EPHA5: variants seen among roughly 807,000 people sequenced by gnomAD.
The protein encoded by EPHA5 is ephrin type-A receptor 5.
Under a neutral mutation model 105.0 loss-of-function variants are expected in EPHA5, and 60 were observed. That is an observed-to-expected ratio of 0.57 (90% confidence interval 0.46 to 0.71). The LOEUF (loss-of-function observed/expected upper bound fraction) is 0.71. Among genes scored for constraint, EPHA5 ranks in the 30% least tolerant of loss-of-function variants. EPHA5 has a pLI of 0.00. For missense variants in EPHA5, 1,218 were observed against 1,274.7 expected (o/e 0.96, Z 0.68); for synonymous variants, 513 against 449.1 (o/e 1.14, Z -1.80).
chr4:65,468,675 T>C (rs200951616), intron 5 of EPHA5, among the ~76,000 whole-genome samples: 22,356 of 48,480 alleles, frequency 0.46, 2,372 homozygotes, highest in East Asian at 0.56. Context: ...ATATAACATA[T>C]ATACATATAT....
chr4:65,421,959 A>C (rs1470915925), intron 5 of EPHA5, among the ~76,000 whole-genome samples: 1 of 152,126 alleles, frequency 6.6e-6, no homozygotes, highest in African/African-American at 2.4e-5. Flanking sequence ...TTTAAAACTT[A>C]ATCAGTTCTT....
chr4:65,589,826 G>T (rs567933231), intron 3 of EPHA5, among the ~76,000 whole-genome samples: 12 of 152,306 alleles, frequency 7.9e-5, no homozygotes, highest in African/African-American at 2.6e-4. Flanking sequence ...TAAAAGTAGT[G>T]TGGGAAAATG....
intron 3 of EPHA5, among the ~76,000 whole-genome samples, chr4:65,540,732 G>A (rs1736738716): frequency 6.6e-6 from 1 of 150,754 alleles, no homozygotes; most frequent in Non-Finnish European, 1.5e-5. Context: ...AAAATCAAGT[G>A]TATTTAACTG....
In EPHA5 at chr4:65,320,955, A is replaced by G. The variant is rs1719592884; in HGVS notation, c.*3159T>C. On this transcript the variant is annotated 3_prime_UTR_variant, in exon 17 of 17. Coordinates refer to ENST00000613740, the MANE Select transcript of EPHA5 (RefSeq NM_001281766.3). ...AGAAATAAAAGATCATGCACATTAC[A>G]ATTTTAAAACATAGGAAAATCAAAA... The G allele has an allele frequency of 4.3e-6, 1 of 230,336 alleles. No individual in the cohort carries two copies. The highest frequency in any genetic ancestry group is 5.7e-5 in the Admixed American group (1 of 17,610). The allele number at this position is 230,336 out of a possible 1,614,324, so 14.3% of individuals were successfully genotyped here.
At chr4:65,597,538 G>A (rs1293959628) in intron 3 of EPHA5, among the ~76,000 whole-genome samples, 1 of 151,698 alleles carries the variant, frequency 6.6e-6, no homozygotes. Flanking sequence ...AATAACAAGT[G>A]GGGAAACATA....
At chr4:65,542,013 G>A (rs1736887204) in intron 3 of EPHA5, among the ~76,000 whole-genome samples, 1 of 151,912 alleles carries the variant, frequency 6.6e-6, no homozygotes, top group Admixed American at 6.6e-5. Flanking sequence ...ATTAAAGTAA[G>A]GCAGAAATCA....
At chr4:65,635,729 G>A (rs1192456378) in intron 2 of EPHA5, among the ~76,000 whole-genome samples, 1 of 152,142 alleles carries the variant, frequency 6.6e-6, no homozygotes, top group Non-Finnish European at 1.5e-5. Context: ...TCCAGGGAAA[G>A]ATTATGTTCA....
intron 11 of EPHA5, among the ~76,000 whole-genome samples, chr4:65,356,654 CACATGATG>C (rs779869535): frequency 6.6e-6 from 1 of 151,446 alleles, no homozygotes; most frequent in Non-Finnish European, 1.5e-5. Context: ...TCTCATATTT[CACATGATG>C]GGGGAAAAGC....
chr4:65,402,374 C>T (rs1297852038), intron 8 of EPHA5, among the ~76,000 whole-genome samples: 2 of 152,126 alleles, frequency 1.3e-5, no homozygotes, highest in African/African-American at 2.4e-5. Flanking sequence ...TACTATCCTT[C>T]GGTTACCAAA....
chr4:65,523,172 ATTT>A (rs531884222), intron 3 of EPHA5, among the ~76,000 whole-genome samples: 1,613 of 152,116 alleles, frequency 0.011, 30 homozygotes, highest in African/African-American at 0.037. Flanking sequence ...TATATTACAT[ATTT>A]TAACATTTAG....
intron 3 of EPHA5, among the ~76,000 whole-genome samples, chr4:65,585,769 G>C (rs1297628107): frequency 6.6e-6 from 1 of 151,732 alleles, no homozygotes; most frequent in African/African-American, 2.4e-5. Flanking sequence ...TGAGCTCTAA[G>C]AAGCATTTAA....
At chr4:65,596,840 C>A (rs1427586798) in intron 3 of EPHA5, among the ~76,000 whole-genome samples, 1 of 152,048 alleles carries the variant, frequency 6.6e-6, no homozygotes, top group Non-Finnish European at 1.5e-5. Context: ...AAGTTCAACC[C>A]CTTTGATGTT....
chr4:65,488,613 T>C (rs1432533002), intron 5 of EPHA5, among the ~76,000 whole-genome samples: 1 of 152,198 alleles, frequency 6.6e-6, no homozygotes, highest in Admixed American at 6.5e-5. Flanking sequence ...TCCAGCTCTT[T>C]AGCACTTCTA....
At chr4:65,457,622 A>G (rs1396217079) in intron 5 of EPHA5, among the ~76,000 whole-genome samples, 2 of 151,738 alleles carry the variant, frequency 1.3e-5, no homozygotes, top group Admixed American at 1.3e-4. Flanking sequence ...ATATATAATT[A>G]TTTCTATACA....
intron 3 of EPHA5, among the ~76,000 whole-genome samples, chr4:65,498,728 A>C (rs537952388): frequency 1.2e-4 from 18 of 151,904 alleles, no homozygotes; most frequent in Admixed American, 6.6e-4. Context: ...AGAGAACAGG[A>C]CATGAAATGT....
At chr4:65,610,303 C>G (rs892842220) in intron 2 of EPHA5, among the ~76,000 whole-genome samples, 1 of 152,002 alleles carries the variant, frequency 6.6e-6, no homozygotes, top group Non-Finnish European at 1.5e-5. Context: ...ACTGCATGTT[C>G]TCATTTAAAC....
rs760801092 is a variant in EPHA5 at position 65,335,964 on chromosome 4, A to G, written c.2757T>C (p.Ser919=). Residue 919 remains serine (S), a synonymous_variant, in exon 15 of 17, where the codon AGT becomes AGC. Transcript: ENST00000613740. ...ATGCATTAACCAGCGTCTTCAGACT[A>G]CTTGGGTTACGTATCAGCTTGTCCA... ...NMLDKLIRNP[S]SLKTLVNASC... 1.2e-5 allele frequency: 20 copies of G among 1,612,534 alleles called. No individual in the cohort carries two copies. In the East Asian group the frequency reaches 3.8e-4, roughly 31 times the overall value.
At chr4:65,514,454 G>T (rs115208140) in intron 3 of EPHA5, among the ~76,000 whole-genome samples, 1 of 152,256 alleles carries the variant, frequency 6.6e-6, no homozygotes, top group Non-Finnish European at 1.5e-5. Context: ...AGGTATTCTA[G>T]CTTACAGTCT....
At position 65,595,151 on chromosome 4, in the gene EPHA5, A is replaced by G. The variant is rs1026254370; in HGVS notation, c.910+6490T>C. Among the ~76,000 whole-genome samples the G allele has an allele frequency of 3.0e-4, 17 of 56,588 alleles. No homozygotes were observed. In the East Asian group the frequency reaches 6.4e-3, roughly 21 times the overall value. The allele number at this position is 56,588 out of a possible 152,430, so 37.1% of individuals were successfully genotyped here. On this transcript the variant is annotated intron_variant, in intron 3 of 16. Coordinates refer to ENST00000613740, the MANE Select transcript of EPHA5 (RefSeq NM_001281766.3). The stretch of plus-strand genomic sequence containing the variant: ...TCTATGTTAAATGCCACCATTTCAG[A>G]AAAAAAAAAAAAAAAATCTTATTTC...
Sources: allele counts gnomAD v4.1 joint callset (sites outside exome capture counted in the v4.1 genomes callset), GRCh38; gene constraint gnomAD v4.1.1; transcripts MANE v1.5; gene names NCBI Gene and HGNC (gene_info 2026-07-23, HGNC 2026-07-21).